The following MYOM2 variants were observed in gnomAD, a reference collection of about 807,000 sequenced individuals.
The protein encoded by MYOM2 is myomesin-2.
Under a neutral mutation model 187.6 loss-of-function variants are expected in MYOM2, and 254 were observed. That is an observed-to-expected ratio of 1.35 (90% CI 1.22 to 1.50). The LOEUF is 1.50. MYOM2 is among the 40% of genes most tolerant of loss of function. The probability of loss-of-function intolerance (pLI) is 0.00; values close to 1 mark genes in which losing one functional copy is unlikely to be tolerated. For synonymous variants in MYOM2, 981 were observed against 753.8 expected, an observed-to-expected ratio of 1.30 and a Z score of -4.94; for missense variants, 2,796 against 1,924.0, an observed-to-expected ratio of 1.45 and a Z score of -8.48.
chr8:2,073,373 G>A lies in MYOM2; in HGVS notation c.993G>A (p.Met331Ile), dbSNP rs760932529. 3.1e-6 allele frequency: 5 copies of A among 1,612,938 alleles called. No homozygotes were observed. Among genetic ancestry groups the A allele is most frequent in the South Asian group, 2.2e-5 (2 of 90,886 alleles). The change falls in exon 10 of 37, where the codon ATG becomes ATA. Residue 331 changes from methionine to isoleucine, a missense_variant. Coordinates refer to ENST00000262113, the MANE Select transcript of MYOM2 (RefSeq NM_003970.4). Reference protein sequence around the residue: ...VLLKESKWTKMFFGEGQASLS... With the variant: ...VLLKESKWTKIFFGEGQASLS... ...TGAAAGAGTCCAAGTGGACGAAGAT[G>A]TTCTTTGGAGAAGGCCAGGCCTCCC... is the stretch of plus-strand genomic sequence containing the variant.
intron 21 of MYOM2, among the ~76,000 whole-genome samples, chr8:2,103,804 A>G (rs1585912651): frequency 1.4e-5 from 2 of 146,982 alleles, no homozygotes; most frequent in African/African-American, 5.1e-5. Context: ...ATGTATAGGT[A>G]TATGGATAAA....
chr8:2,098,727 G>A (rs1281371093), intron 18 of MYOM2, 130 bp from the exon 19 acceptor site: 10 of 1,005,382 alleles, frequency 9.9e-6, no homozygotes, highest in Admixed American at 2.9e-5. Flanking sequence ...TGAAATATTT[G>A]GTCCAATTTC....
At chr8:2,077,994 T>C in intron 11 of MYOM2, among the ~76,000 whole-genome samples, 1 of 152,298 alleles carries the variant, frequency 6.6e-6, no homozygotes, top group South Asian at 2.1e-4. Flanking sequence ...GCTGGTTCTT[T>C]CCCAGATGAA....
chr8:2,068,852 C>T (rs950757965), intron 6 of MYOM2, among the ~76,000 whole-genome samples: 2 of 152,242 alleles, frequency 1.3e-5, no homozygotes, highest in African/African-American at 4.8e-5. Flanking sequence ...AGGTCCACGG[C>T]TCTCCCAGGC....
intron 32 of MYOM2, 141 bp from the exon 33 acceptor site, chr8:2,140,582 G>T (rs537152287): frequency 4.0e-6 from 3 of 749,198 alleles, no homozygotes; most frequent in East Asian, 2.7e-5. Flanking sequence ...CAATACATTC[G>T]TAACAGCCAG....
intron 23 of MYOM2, among the ~76,000 whole-genome samples, chr8:2,106,802 G>A (rs955356939): frequency 6.6e-6 from 1 of 152,172 alleles, no homozygotes; most frequent in Admixed American, 6.5e-5. Context: ...AGTAGTCTCT[G>A]GTCCTGATAT....
intron 32 of MYOM2, among the ~76,000 whole-genome samples, chr8:2,133,758 G>T: frequency 6.8e-6 from 1 of 148,040 alleles, no homozygotes; most frequent in Non-Finnish European, 1.5e-5. Flanking sequence ...ACAGTGTCTG[G>T]TCTGTCAGTC....
At chr8:2,132,863 A>T (rs557238103) in intron 32 of MYOM2, among the ~76,000 whole-genome samples, 2 of 152,316 alleles carry the variant, frequency 1.3e-5, no homozygotes, top group Non-Finnish European at 2.9e-5. Flanking sequence ...ACTAACTGGG[A>T]GGAGAGGTGG....
At chr8:2,087,811 A>T (rs543296144) in intron 14 of MYOM2, among the ~76,000 whole-genome samples, 12 of 152,020 alleles carry the variant, frequency 7.9e-5, no homozygotes, top group Non-Finnish European at 1.8e-4. Context: ...TATAGAGACG[A>T]GGTCTCGCCA....
Position 2,069,308 on chromosome 8 carries a change from A to G in MYOM2, c.684A>G (p.Ser228=), listed in dbSNP as rs1423022189. The G allele has an allele frequency of 6.2e-7, 1 of 1,613,598 alleles. No individual in the cohort carries two copies. Among genetic ancestry groups the G allele is most frequent in the Admixed American group, 1.7e-5 (1 of 60,026 alleles). ...ACTTTGACGACACTGCGACATACTC[A>G]GCAGTGGCCACCAATGCCCACGGAC... ...RADFDDTATY[S]AVATNAHGQV... is the part of the protein sequence containing the mutation. Residue 228 remains serine (S), a synonymous_variant, in exon 7 of 37, where the codon TCA becomes TCG. Coordinates refer to ENST00000262113, the MANE Select transcript of MYOM2 (RefSeq NM_003970.4).
At chr8:2,121,094 T>C (rs573093364) in intron 28 of MYOM2, among the ~76,000 whole-genome samples, 1 of 152,270 alleles carries the variant, frequency 6.6e-6, no homozygotes, top group African/African-American at 2.4e-5. Context: ...AGGTGACTGA[T>C]GATAGCCTGT....
intron 32 of MYOM2, among the ~76,000 whole-genome samples, chr8:2,131,879 G>A (rs796526177): frequency 5.5e-4 from 83 of 152,080 alleles, no homozygotes; most frequent in African/African-American, 1.9e-3. Flanking sequence ...TCCTGACCTC[G>A]TGATCCACCC....
At chr8:2,137,608 C>G (rs185603112) in intron 32 of MYOM2, among the ~76,000 whole-genome samples, 12 of 152,000 alleles carry the variant, frequency 7.9e-5, no homozygotes, top group Admixed American at 6.6e-4. Context: ...TGACCCTCAT[C>G]AGTTCCAACA....
chr8:2,096,742 G>A (rs1796502170), intron 18 of MYOM2, among the ~76,000 whole-genome samples: 1 of 152,310 alleles, frequency 6.6e-6, no homozygotes. Context: ...AGGCTCTGAG[G>A]CCTTGAGGGC....
chr8:2,098,785 A>G, intron 18 of MYOM2, 72 bp from the exon 19 acceptor site: 2 of 1,457,460 alleles, frequency 1.4e-6, no homozygotes, highest in Non-Finnish European at 1.9e-6. Flanking sequence ...GCCAGTTATA[A>G]CAACTCCTCC....
intron 1 of MYOM2, among the ~76,000 whole-genome samples, chr8:2,047,962 A>T (rs1563408927): frequency 6.6e-6 from 1 of 152,188 alleles, no homozygotes; most frequent in African/African-American, 2.4e-5. Flanking sequence ...AGCTCTCAAG[A>T]CCTGAGCCGT....
chr8:2,097,144 G>C (rs1012521627), intron 18 of MYOM2: 4 of 977,254 alleles, frequency 4.1e-6, no homozygotes, highest in Non-Finnish European at 4.9e-6. Context: ...TTTTTGGAGA[G>C]TGTAAGGCCT....
chr8:2,098,888 A>G lies in MYOM2; in HGVS notation c.2345A>G (p.Glu782Gly), dbSNP rs150807019. 4 of 1,613,322 alleles carry G rather than the reference A, an allele frequency of 2.5e-6. 1 individual carries two copies. Among genetic ancestry groups the G allele is most frequent in the East Asian group, 4.5e-5 (2 of 44,892 alleles). The change falls in exon 19 of 37, where the codon GAG becomes GGG. Residue 782 changes from glutamate to glycine, a missense_variant. Transcript: ENST00000262113. ...VDGLTEGSLYEFKIAAVNLAG... is the reference protein window; with the variant it reads ...VDGLTEGSLYGFKIAAVNLAG... ...GGCTTGACGGAAGGCTCACTCTACG[A>G]GTTCAAAATCGCCGCCGTCAACCTG...
chr8:2,059,841 C>T (rs1818793895), intron 6 of MYOM2, among the ~76,000 whole-genome samples: 1 of 150,426 alleles, frequency 6.6e-6, no homozygotes. Context: ...TTCCCAGGAT[C>T]AAGCGATTCT....
Sources: gnomAD v4.1 joint callset for allele counts (sites outside exome capture counted in the v4.1 genomes callset) on GRCh38, gnomAD v4.1.1 for gene constraint, MANE v1.5 for transcripts, NCBI Gene and HGNC (gene_info 2026-07-23, HGNC 2026-07-21) for gene names.